Variants in CNGB1 observed in about 807,000 individuals in gnomAD.
CNGB1 encodes cyclic nucleotide gated channel subunit beta 1, also known as cyclic nucleotide-gated channel beta-1.
In CNGB1, 126 loss-of-function variants were observed where a neutral mutation model predicts 151.7. That is an observed-to-expected ratio of 0.83 (90% CI 0.72 to 0.96). The LOEUF (loss-of-function observed/expected upper bound fraction) is 0.96, where lower values mean the gene tolerates loss of function less well. Ranked by LOEUF, CNGB1 falls within the 40% of genes least tolerant of loss-of-function variation. CNGB1 has a pLI of 0.00. For missense variants in CNGB1, 1,698 were observed against 1,627.0 expected (o/e 1.04, Z -0.75); for synonymous variants, 623 against 635.1 (o/e 0.98, Z 0.29).
chr16:57,932,707 A>G (rs753463142), intron 16 of CNGB1, among the ~76,000 whole-genome samples: 6 of 151,262 alleles, frequency 4.0e-5, no homozygotes, highest in South Asian at 2.1e-4. Context: ...CAGCCTCCCA[A>G]TTAGCTGCGA....
chr16:57,911,968 G>A (rs2149362158), intron 24 of CNGB1, 93 bp from the exon 25 acceptor site: 1 of 1,552,162 alleles, frequency 6.4e-7, no homozygotes, highest in Non-Finnish European at 8.8e-7. Context: ...TGGCTGGGCT[G>A]GCCCGACTGG....
intron 17 of CNGB1, among the ~76,000 whole-genome samples, 158 bp downstream of exon 17, chr16:57,931,558 A>G (rs1279671102): frequency 1.3e-5 from 2 of 152,218 alleles, no homozygotes; most frequent in African/African-American, 4.8e-5. Flanking sequence ...TTCAGGAGTT[A>G]GGAAAACGAG....
intron 17 of CNGB1, among the ~76,000 whole-genome samples, chr16:57,931,010 T>A (rs568911531): frequency 3.9e-4 from 59 of 151,680 alleles, no homozygotes; most frequent in East Asian, 1.5e-3. Context: ...GTTTTTTTTT[T>A]AAAAAAGACT....
In CNGB1 at chr16:57,967,209, T is replaced by C; in HGVS notation, c.78A>G (p.Glu26=). ...PRKTKMQEEE[E]VEPEPEMEAE... ...CCTCCATCTCTGGCTCTGGTTCCAC[T>C]TCCTCTTCCTCCTGCATCTTGGTCT... Residue 26 remains glutamate (E), a synonymous_variant, in exon 2 of 33, where the codon GAA becomes GAG. Transcript: ENST00000251102. The C allele has an allele frequency of 6.2e-7, 1 of 1,614,178 alleles. No homozygotes were observed. The highest frequency in any genetic ancestry group is 8.5e-7 in the Non-Finnish European group (1 of 1,180,038).
chr16:57,963,805 C>CTAACAGTCTAATGAATGAATGAGTGAAT lies in CNGB1; in HGVS notation c.290+297_290+324dup, dbSNP rs1489116206. ...GTCACATTGCCCTGCCCTCAAGGGG[C>CTAACAGTCTAATGAATGAATGAGTGAAT]TAACAGTCTAATGAATGAATGAGTG... On this transcript the variant is annotated intron_variant, in intron 4 of 32. Coordinates refer to ENST00000251102, the MANE Select transcript of CNGB1 (RefSeq NM_001297.5). 2.3e-5 allele frequency: 9 copies of CTAACAGTCTAATGAATGAATGAGTGAAT among 387,042 alleles called. No individual in the cohort carries two copies. In the South Asian group the frequency reaches 2.3e-4, roughly 10 times the overall value. 24.0% of individuals were successfully genotyped at this position (387,042 alleles called of 1,614,324 possible). A position where few individuals can be genotyped will look rare whatever the true frequency, so the allele number is the denominator to read the frequency against.
chr16:57,953,953 T>C (rs1229500377), intron 12 of CNGB1, among the ~76,000 whole-genome samples: 1 of 151,386 alleles, frequency 6.6e-6, no homozygotes, highest in East Asian at 1.9e-4. Context: ...AAGTCTGGGG[T>C]AGGACATTTT....
At chr16:57,943,828 A>G (rs1185207498) in intron 14 of CNGB1, among the ~76,000 whole-genome samples, 4 of 152,208 alleles carry the variant, frequency 2.6e-5, no homozygotes, top group African/African-American at 9.6e-5. Context: ...TGTTGGGTAC[A>G]GATCCAAGGG....
chr16:57,915,213 G>T, intron 23 of CNGB1, 36 bp downstream of exon 23: 1 of 1,558,566 alleles, frequency 6.4e-7, no homozygotes, highest in South Asian at 1.1e-5. Context: ...GCAGGGATGA[G>T]CTGAAGGCCT....
intron 2 of CNGB1, among the ~76,000 whole-genome samples, chr16:57,965,346 T>C (rs1265954708): frequency 6.6e-6 from 1 of 152,158 alleles, no homozygotes; most frequent in Non-Finnish European, 1.5e-5. Flanking sequence ...TATATGTGCA[T>C]ACAGTCATAT....
chr16:57,968,573 G>A (rs1190299301), intron 1 of CNGB1, among the ~76,000 whole-genome samples: 1 of 149,076 alleles, frequency 6.7e-6, no homozygotes, highest in African/African-American at 2.5e-5. Context: ...AATAAATGTT[G>A]ACTATGACTA....
At chr16:57,913,020 C>G in intron 23 of CNGB1, 26 bp from the exon 24 acceptor site, 1 of 1,611,964 alleles carries the variant, frequency 6.2e-7, no homozygotes. Flanking sequence ...GGCGTGAGAG[C>G]AGCCCACCGG....
chr16:57,909,494 T>C lies in CNGB1; in HGVS notation c.2492+2259A>G, dbSNP rs539105261. On this transcript the variant is annotated intron_variant, in intron 25 of 32. Transcript: ENST00000251102. Reference sequence around the variant, plus strand: ...TCCCCCTTCCGGGTTCCAGCGATACTTCTCCTGCTTCAGCCTCCCAAGTAG... The same window carrying C: ...TCCCCCTTCCGGGTTCCAGCGATACCTCTCCTGCTTCAGCCTCCCAAGTAG... 2.8e-3 allele frequency among the ~76,000 whole-genome samples: 432 copies of C among 152,318 alleles called. 3 individuals carry two copies. The highest frequency in any genetic ancestry group is 9.8e-3 in the African/African-American group (408 of 41,566).
intron 1 of CNGB1, among the ~76,000 whole-genome samples, chr16:57,970,293 A>G (rs1338590639): frequency 6.6e-6 from 1 of 152,146 alleles, no homozygotes; most frequent in African/African-American, 2.4e-5. Context: ...AGCCAGCCCC[A>G]GGCAGCCCCG....
intron 32 of CNGB1, among the ~76,000 whole-genome samples, chr16:57,886,839 G>T (rs1373044062): frequency 6.6e-6 from 1 of 152,108 alleles, no homozygotes; most frequent in Admixed American, 6.6e-5. Flanking sequence ...GGGACATTTG[G>T]CATTTTGCCT....
chr16:57,887,094 C>T (rs929843768), intron 32 of CNGB1, among the ~76,000 whole-genome samples: 7 of 152,148 alleles, frequency 4.6e-5, no homozygotes, highest in Admixed American at 3.3e-4. Context: ...CTATGTTGCC[C>T]AGGCTGGTCT....
intron 18 of CNGB1, among the ~76,000 whole-genome samples, chr16:57,922,850 A>G (rs1194401256): frequency 1.3e-5 from 2 of 150,136 alleles, no homozygotes; most frequent in African/African-American, 5.0e-5. Flanking sequence ...GCAGCCAGGT[A>G]GGGCCAGGGA....
intron 23 of CNGB1, among the ~76,000 whole-genome samples, chr16:57,914,190 G>A (rs1960803004): frequency 6.6e-6 from 1 of 152,160 alleles, no homozygotes; most frequent in Admixed American, 6.5e-5. Context: ...CCTCACTGGG[G>A]CCACCATGTG....
At chr16:57,947,709 C>T (rs558718759) in intron 14 of CNGB1, among the ~76,000 whole-genome samples, 1 of 152,296 alleles carries the variant, frequency 6.6e-6, no homozygotes, top group East Asian at 1.9e-4. Context: ...TGACACTGAA[C>T]AGGCTTCCAG....
At chr16:57,900,155 G>T (rs1387225993) in intron 29 of CNGB1, among the ~76,000 whole-genome samples, 1 of 152,220 alleles carries the variant, frequency 6.6e-6, no homozygotes, top group Non-Finnish European at 1.5e-5. Flanking sequence ...GACTCAGAGA[G>T]GGCAAGCCAC....
Sources: gnomAD v4.1 joint callset for allele counts (sites outside exome capture counted in the v4.1 genomes callset) on GRCh38, gnomAD v4.1.1 for gene constraint, MANE v1.5 for transcripts, NCBI Gene and HGNC (gene_info 2026-07-23, HGNC 2026-07-21) for gene names.